GRM5: variants seen among roughly 807,000 people sequenced by gnomAD.
GRM5 encodes metabotropic glutamate receptor 5.
GRM5 carries 19 observed loss-of-function variants against 83.1 expected under a neutral mutation model. The observed-to-expected ratio is 0.23, with a 90% confidence interval of 0.16 to 0.34. The LOEUF (loss-of-function observed/expected upper bound fraction) is 0.34. Ranked by LOEUF, GRM5 falls within the 10% of genes least tolerant of loss-of-function variation. The pLI is 1.00. For missense variants in GRM5, 1,160 were observed against 1,588.3 expected (o/e 0.73, Z 4.58); for synonymous variants, 675 against 633.6 (o/e 1.07, Z -0.98).
chr11:88,842,057 C>A (rs1944213197), intron 3 of GRM5, among the ~76,000 whole-genome samples: 1 of 152,098 alleles, frequency 6.6e-6, no homozygotes, highest in Non-Finnish European at 1.5e-5. Context: ...TCTTTGTTTT[C>A]TCTTAATCAG....
chr11:88,527,090 CA>C (rs1282916081), intron 8 of GRM5, among the ~76,000 whole-genome samples: 2 of 152,072 alleles, frequency 1.3e-5, no homozygotes, highest in African/African-American at 4.8e-5. Flanking sequence ...TTAGAAGTAC[CA>C]ATGGCCAAAT....
intron 2 of GRM5, among the ~76,000 whole-genome samples, chr11:88,975,938 T>G (rs1341650394): frequency 6.6e-6 from 1 of 152,218 alleles, no homozygotes; most frequent in African/African-American, 2.4e-5. Flanking sequence ...AATAATGTTA[T>G]GAATATAATG....
intron 3 of GRM5, among the ~76,000 whole-genome samples, chr11:88,720,843 T>C (rs1017970641): frequency 6.7e-6 from 1 of 149,070 alleles, no homozygotes; most frequent in Non-Finnish European, 1.5e-5. Flanking sequence ...TGTGTGTGTG[T>C]GCCTGTATTG....
chr11:88,990,576 C>G (rs1300936227), intron 2 of GRM5, among the ~76,000 whole-genome samples: 1 of 149,844 alleles, frequency 6.7e-6, no homozygotes, highest in African/African-American at 2.5e-5. Flanking sequence ...GAATTTTAGA[C>G]CAATATCCTT....
chr11:88,653,343 G>A lies in GRM5; in HGVS notation c.972C>T (p.Gly324=). 1.9e-6 allele frequency: 3 copies of A among 1,612,820 alleles called. No homozygotes were observed. The highest frequency in any genetic ancestry group is 2.5e-6 in the Non-Finnish European group (3 of 1,179,232). The change falls in exon 4 of 10, where the codon GGC becomes GGT. Residue 324 remains glycine (G), a synonymous_variant. Coordinates refer to ENST00000305447, the MANE Select transcript of GRM5 (RefSeq NM_001143831.3). ...CGGGAGATTGGAGCTTGATTGTGAT[G>A]CCACCAACAGCTTCTCGCTGATATC... ...TDGYQREAVG[G]ITIKLQSPDV... is the part of the protein sequence containing the mutation.
intron 2 of GRM5, among the ~76,000 whole-genome samples, chr11:88,987,384 T>C (rs1225868836): frequency 6.6e-6 from 1 of 152,016 alleles, no homozygotes; most frequent in Non-Finnish European, 1.5e-5. Context: ...CACTGATTGC[T>C]AGCACAGCAG....
chr11:88,902,248 T>C (rs1036106556), intron 2 of GRM5, among the ~76,000 whole-genome samples: 3 of 151,970 alleles, frequency 2.0e-5, no homozygotes, highest in Non-Finnish European at 4.4e-5. Flanking sequence ...TTGGGATCTG[T>C]AGTTAGGATG....
intron 4 of GRM5, among the ~76,000 whole-genome samples, chr11:88,625,332 A>G (rs1938762970): frequency 6.6e-6 from 1 of 152,126 alleles, no homozygotes; most frequent in Non-Finnish European, 1.5e-5. Context: ...AGAAAAGGCT[A>G]TACCCGTGTC....
intron 3 of GRM5, among the ~76,000 whole-genome samples, chr11:88,773,826 C>G (rs1942790379): frequency 6.6e-6 from 1 of 152,156 alleles, no homozygotes; most frequent in African/African-American, 2.4e-5. Flanking sequence ...TGTTTTGGTA[C>G]CAGTACCATG....
At chr11:88,537,658 A>G (rs909162705) in intron 8 of GRM5, among the ~76,000 whole-genome samples, 6 of 152,182 alleles carry the variant, frequency 3.9e-5, no homozygotes, top group African/African-American at 9.6e-5. Context: ...CCTTTCTTCA[A>G]TATCATCTCT....
In GRM5 at chr11:88,737,917, TG is replaced by T. The variant is rs559015221; in HGVS notation, c.912-84515del. Among the ~76,000 whole-genome samples the T allele has an allele frequency of 3.5e-4, 53 of 152,206 alleles. 1 individual carries two copies. The highest frequency in any genetic ancestry group is 6.8e-3 in the Middle Eastern group (2 of 294). ...CAGTTATACAATCCTATAATTATCA[TG>T]TTCATGAACCTTTCCAACAAGTATA... On this transcript the variant is annotated intron_variant, in intron 3 of 9. Coordinates refer to ENST00000305447, the MANE Select transcript of GRM5 (RefSeq NM_001143831.3).
chr11:88,967,215 A>G (rs2036677), intron 2 of GRM5, among the ~76,000 whole-genome samples: 74,714 of 142,436 alleles, frequency 0.52, 19,205 homozygotes, highest in South Asian at 0.66. Context: ...GTGTGTGTGT[A>G]TATATGTGTG....
intron 3 of GRM5, among the ~76,000 whole-genome samples, chr11:88,672,186 T>C (rs1253451143): frequency 6.6e-6 from 1 of 152,050 alleles, no homozygotes; most frequent in Non-Finnish European, 1.5e-5. Flanking sequence ...CATTAAGTTA[T>C]ATTATCCATA....
At chr11:88,615,049 C>T (rs1938433139) in intron 4 of GRM5, among the ~76,000 whole-genome samples, 1 of 152,054 alleles carries the variant, frequency 6.6e-6, no homozygotes, top group South Asian at 2.1e-4. Context: ...AAGACCTGGG[C>T]CCAGGTATGT....
At chr11:88,703,558 C>T (rs1001632261) in intron 3 of GRM5, among the ~76,000 whole-genome samples, 3 of 152,034 alleles carry the variant, frequency 2.0e-5, no homozygotes, top group Non-Finnish European at 4.4e-5. Context: ...AGCCAAATCT[C>T]ACCTTGAATT....
At chr11:88,702,411 C>T (rs1053611421) in intron 3 of GRM5, among the ~76,000 whole-genome samples, 6 of 152,186 alleles carry the variant, frequency 3.9e-5, no homozygotes, top group African/African-American at 1.2e-4. Flanking sequence ...AGTCCTGCTT[C>T]GCTCAGCTCT....
intron 4 of GRM5, among the ~76,000 whole-genome samples, chr11:88,620,790 G>A (rs1348705814): frequency 1.3e-5 from 2 of 152,264 alleles, no homozygotes; most frequent in East Asian, 3.9e-4. Flanking sequence ...GTATCCACAT[G>A]CCTGTAGAGA....
chr11:88,600,229 C>A (rs909592145), intron 5 of GRM5, among the ~76,000 whole-genome samples: 97 of 150,028 alleles, frequency 6.5e-4, no homozygotes, highest in Middle Eastern at 6.8e-3. Context: ...CTTCCTCAAT[C>A]CTCCTCCTCC....
intron 3 of GRM5, among the ~76,000 whole-genome samples, chr11:88,697,083 T>C (rs551711151): frequency 2.0e-5 from 3 of 152,316 alleles, no homozygotes; most frequent in East Asian, 3.9e-4. Flanking sequence ...GTGTATACAG[T>C]ATGTAGTGTA....
Sources: gnomAD v4.1 joint callset for allele counts (sites outside exome capture counted in the v4.1 genomes callset) on GRCh38, gnomAD v4.1.1 for gene constraint, MANE v1.5 for transcripts, NCBI Gene and HGNC (gene_info 2026-07-23, HGNC 2026-07-21) for gene names.